Variants in SPAG16 observed in about 807,000 individuals in gnomAD.
SPAG16 encodes the protein sperm associated antigen 16, also known as sperm-associated antigen 16 protein.
SPAG16 carries 86 observed loss-of-function variants against 80.4 expected under a neutral mutation model. The ratio of observed to expected loss-of-function variants is 1.07; its 90% CI spans 0.90 to 1.28. The LOEUF (loss-of-function observed/expected upper bound fraction) is 1.28, where lower values mean the gene tolerates loss of function less well. Among genes scored for constraint, SPAG16 ranks in the 50% most tolerant of loss-of-function variants. SPAG16 has a pLI of 0.00. For synonymous variants in SPAG16, 294 were observed against 265.9 expected (o/e 1.11, Z -1.03); for missense variants, 870 against 765.3 (o/e 1.14, Z -1.61).
At chr2:213,366,930 C>T (rs571047834) in intron 8 of SPAG16, among the ~76,000 whole-genome samples, 29 of 152,196 alleles carry the variant, frequency 1.9e-4, no homozygotes, top group African/African-American at 6.7e-4. Flanking sequence ...AATGGTATCC[C>T]TCCCCATTCC....
intron 15 of SPAG16, among the ~76,000 whole-genome samples, chr2:214,317,051 A>T (rs2125987521): frequency 6.6e-6 from 1 of 152,344 alleles, no homozygotes; most frequent in African/African-American, 2.4e-5. Flanking sequence ...CCTTGTTAGA[A>T]ACATCCCAGG....
chr2:213,477,131 G>T (rs1303981139), intron 9 of SPAG16, among the ~76,000 whole-genome samples: 1 of 152,150 alleles, frequency 6.6e-6, no homozygotes, highest in Non-Finnish European at 1.5e-5. Flanking sequence ...TCAACTGAGA[G>T]AGAGTAGATA....
chr2:213,605,904 C>T (rs1173341180), intron 10 of SPAG16, among the ~76,000 whole-genome samples: 1 of 152,216 alleles, frequency 6.6e-6, no homozygotes, highest in East Asian at 1.9e-4. Flanking sequence ...ATATAAACAA[C>T]TTACATCAGG....
intron 11 of SPAG16, among the ~76,000 whole-genome samples, chr2:213,918,503 C>G (rs2078068037): frequency 1.3e-5 from 2 of 152,030 alleles, no homozygotes; most frequent in South Asian, 4.1e-4. Context: ...GTGGGAGGGA[C>G]CTGGTGGGAG....
At chr2:214,185,565 AT>A (rs1157869898) in intron 15 of SPAG16, among the ~76,000 whole-genome samples, 11 of 152,148 alleles carry the variant, frequency 7.2e-5, no homozygotes, top group Non-Finnish European at 1.5e-5. Flanking sequence ...ACAAAGAGGT[AT>A]TTTTTTAAAC....
intron 10 of SPAG16, among the ~76,000 whole-genome samples, chr2:213,518,870 A>T (rs1012052434): frequency 2.0e-4 from 30 of 152,238 alleles, no homozygotes; most frequent in African/African-American, 7.2e-4. Context: ...ATACATATAC[A>T]CTGTGGAATA....
intron 9 of SPAG16, chr2:213,396,680 G>A (rs1038023581): frequency 1.5e-5 from 7 of 455,772 alleles, no homozygotes; most frequent in Admixed American, 4.7e-5. Context: ...GTGCACACCA[G>A]CACATCGACT....
chr2:214,330,767 CA>C (rs1366948765), intron 15 of SPAG16, among the ~76,000 whole-genome samples: 6 of 152,154 alleles, frequency 3.9e-5, no homozygotes, highest in African/African-American at 1.4e-4. Flanking sequence ...AGGTGGGGGC[CA>C]AAAGGAGCCA....
chr2:214,292,666 G>C (rs374341401), intron 15 of SPAG16, among the ~76,000 whole-genome samples: 2 of 152,004 alleles, frequency 1.3e-5, no homozygotes, highest in Non-Finnish European at 2.9e-5. Flanking sequence ...TATTTTGATT[G>C]GGATATGTTG....
intron 9 of SPAG16, among the ~76,000 whole-genome samples, chr2:213,398,728 C>T (rs192592120): frequency 6.6e-6 from 1 of 152,062 alleles, no homozygotes; most frequent in Non-Finnish European, 1.5e-5. Flanking sequence ...TTTCTTTTTG[C>T]CTATCTTACA....
intron 10 of SPAG16, among the ~76,000 whole-genome samples, chr2:213,833,464 A>T (rs868296164): frequency 8.2e-5 from 1 of 12,238 alleles, no homozygotes; most frequent in African/African-American, 3.8e-4. Context: ...TTATATATAT[A>T]TTATATATAA....
At chr2:213,384,676 C>T (rs1443715629) in intron 9 of SPAG16, among the ~76,000 whole-genome samples, 2 of 152,070 alleles carry the variant, frequency 1.3e-5, no homozygotes, top group Non-Finnish European at 2.9e-5. Context: ...GAACTTCTTT[C>T]GTCAGGAAGT....
At chr2:213,381,728 A>C (rs1575435128) in intron 9 of SPAG16, among the ~76,000 whole-genome samples, 1 of 152,206 alleles carries the variant, frequency 6.6e-6, no homozygotes, top group Non-Finnish European at 1.5e-5. Flanking sequence ...ACTTTTGCCT[A>C]TTGTGAGAGA....
intron 15 of SPAG16, among the ~76,000 whole-genome samples, chr2:214,308,670 C>G (rs1695088493): frequency 6.6e-6 from 1 of 151,902 alleles, no homozygotes. Context: ...ATATAAAATT[C>G]TGGTTTGGAA....
intron 9 of SPAG16, among the ~76,000 whole-genome samples, chr2:213,388,893 T>C (rs1486168754): frequency 6.6e-6 from 1 of 151,680 alleles, no homozygotes; most frequent in African/African-American, 2.4e-5. Context: ...CCCAAAGACC[T>C]TTTTTTTGCA....
intron 10 of SPAG16, among the ~76,000 whole-genome samples, chr2:213,775,818 T>G (rs1302233853): frequency 1.3e-5 from 2 of 152,238 alleles, no homozygotes; most frequent in Non-Finnish European, 2.9e-5. Context: ...TTACCTTAGA[T>G]TTATTAAGTG....
Position 213,911,685 on chromosome 2 carries a change from G to A in SPAG16, c.1215-18275G>A, listed in dbSNP as rs373829047. Among the ~76,000 whole-genome samples, 42 of 152,140 alleles carry A rather than the reference G, an allele frequency of 2.8e-4. No homozygotes were observed. In the South Asian group the frequency reaches 5.2e-3, roughly 19 times the overall value. ...GGACTTAGTGACAAACAAAAGGTAT[G>A]ATATAAAGCACACAAAAACATATTC... On this transcript the variant is annotated intron_variant, in intron 11 of 15. Coordinates refer to ENST00000331683, the MANE Select transcript of SPAG16 (RefSeq NM_024532.5).
intron 10 of SPAG16, among the ~76,000 whole-genome samples, chr2:213,748,690 C>G (rs1158026415): frequency 6.6e-6 from 1 of 151,994 alleles, no homozygotes; most frequent in East Asian, 1.9e-4. Context: ...ATTCAGAAAT[C>G]AATACATGTG....
intron 15 of SPAG16, among the ~76,000 whole-genome samples, chr2:214,229,146 G>A (rs1182672846): frequency 3.3e-5 from 5 of 149,502 alleles, no homozygotes; most frequent in African/African-American, 5.0e-5. Context: ...CATCTACCAC[G>A]AGAAGCAGGA....
Sources: allele counts gnomAD v4.1 joint callset (sites outside exome capture counted in the v4.1 genomes callset), GRCh38; gene constraint gnomAD v4.1.1; transcripts MANE v1.5; gene names NCBI Gene and HGNC (gene_info 2026-07-23, HGNC 2026-07-21).